SLC22A23: variants seen among roughly 807,000 people sequenced by gnomAD.
SLC22A23 encodes solute carrier family 22 member 23.
SLC22A23 carries 26 observed loss-of-function variants against 61.0 expected under a neutral mutation model. The observed-to-expected ratio is 0.43, with a 90% CI of 0.31 to 0.59. The LOEUF is 0.59. Among genes scored for constraint, SLC22A23 ranks in the 20% least tolerant of loss-of-function variants. SLC22A23 has a pLI of 0.11. For missense variants in SLC22A23, 796 were observed against 934.7 expected (o/e 0.85, Z 1.94); for synonymous variants, 430 against 413.9 (o/e 1.04, Z -0.47).
At chr6:3,369,474 T>C (rs779457507) in intron 3 of SLC22A23, among the ~76,000 whole-genome samples, 4 of 152,204 alleles carry the variant, frequency 2.6e-5, no homozygotes, top group Non-Finnish European at 1.5e-5. Flanking sequence ...GTGGATCACC[T>C]GAACTGAAGA....
At chr6:3,316,576 A>G (rs891717967) in intron 4 of SLC22A23, among the ~76,000 whole-genome samples, 24 of 152,342 alleles carry the variant, frequency 1.6e-4, no homozygotes, top group African/African-American at 5.3e-4. Flanking sequence ...TTGGGCTGAG[A>G]GCCCTCACTG....
rs1020678358 is a variant in SLC22A23, at chr6:3,456,646, C to A, written c.-87G>T. On this transcript the variant is annotated 5_prime_UTR_variant, in exon 1 of 10. Transcript: ENST00000406686. This position sits in a 1 kb window ranked among gnomAD's most constrained non-coding sequence, Gnocchi z 7.1. ...CGGGCACAGCGCGCCGGGCCAGGCG[C>A]CTGCAGCCGCTGCCGCCGAGGAGGG... The A allele has an allele frequency of 2.3e-6, 2 of 871,796 alleles. No individual in the cohort carries two copies. Among genetic ancestry groups the A allele is most frequent in the African/African-American group, 3.7e-5 (2 of 54,532 alleles). The allele number at this position is 871,796 out of a possible 1,614,324, so 54.0% of individuals were successfully genotyped here.
intron 3 of SLC22A23, among the ~76,000 whole-genome samples, chr6:3,399,189 G>T (rs1768214845): frequency 6.6e-6 from 1 of 152,170 alleles, no homozygotes; most frequent in Admixed American, 6.5e-5. Context: ...GACTTGGGAA[G>T]TTGTTCACCA....
chr6:3,291,980 A>C (rs143306714), intron 5 of SLC22A23: 1 of 152,322 alleles, frequency 6.6e-6, no homozygotes, highest in East Asian at 1.9e-4. Flanking sequence ...CCTAGAACCC[A>C]GTCTAAAAAA....
rs974764006 is a variant in SLC22A23 at position 3,342,656 on chromosome 6, A to T, written c.914-18654T>A. Among the ~76,000 whole-genome samples, 1 of 152,182 alleles carries T rather than the reference A, an allele frequency of 6.6e-6. No individual in the cohort carries two copies. Among genetic ancestry groups the T allele is most frequent in the Non-Finnish European group, 1.5e-5 (1 of 68,042 alleles). On this transcript the variant is annotated intron_variant, in intron 3 of 9. Transcript: ENST00000406686. This position sits in a 1 kb window ranked among gnomAD's most constrained non-coding sequence, Gnocchi z 4.0. Reference sequence around the variant, plus strand: ...CAAACCTTGAGGAGCTTTTGCCGTCAAATGTCAGCAAAATTGCTGGGATTT... The same window carrying T: ...CAAACCTTGAGGAGCTTTTGCCGTCTAATGTCAGCAAAATTGCTGGGATTT...
intron 3 of SLC22A23, among the ~76,000 whole-genome samples, chr6:3,395,411 T>C (rs1016392084): frequency 7.2e-5 from 11 of 152,312 alleles, no homozygotes; most frequent in African/African-American, 2.6e-4. Flanking sequence ...ACTGTGCCCA[T>C]CCATCTTGTA....
chr6:3,348,997 G>A (rs191961010), intron 3 of SLC22A23, among the ~76,000 whole-genome samples: 4 of 152,322 alleles, frequency 2.6e-5, no homozygotes, highest in Non-Finnish European at 5.9e-5. Context: ...CTTCAGAAGA[G>A]TAAACAGTGT....
At chr6:3,359,957 G>T (rs1765334868) in intron 3 of SLC22A23, among the ~76,000 whole-genome samples, 1 of 152,042 alleles carries the variant, frequency 6.6e-6, no homozygotes, top group South Asian at 2.1e-4. Context: ...GTCCTTAGAG[G>T]TCCTTGTTCT....
intron 4 of SLC22A23, among the ~76,000 whole-genome samples, chr6:3,319,103 G>A (rs1054977227): frequency 2.6e-5 from 4 of 152,106 alleles, no homozygotes; most frequent in Admixed American, 2.0e-4. Context: ...AGCACAATCC[G>A]GGACACAGGA....
chr6:3,283,513 G>T (rs1265297654), intron 9 of SLC22A23: 1 of 346,192 alleles, frequency 2.9e-6, no homozygotes, highest in Non-Finnish European at 5.7e-6. Context: ...TAGCAGAGTT[G>T]GCAGCACAGG....
chr6:3,348,846 C>A (rs1764597758), intron 3 of SLC22A23, among the ~76,000 whole-genome samples: 1 of 152,046 alleles, frequency 6.6e-6, no homozygotes, highest in Non-Finnish European at 1.5e-5. Flanking sequence ...GGACCGGGTC[C>A]CCATGACCCA....
chr6:3,315,026 C>T (rs1028665088), intron 4 of SLC22A23, among the ~76,000 whole-genome samples: 3 of 152,224 alleles, frequency 2.0e-5, no homozygotes, highest in African/African-American at 7.2e-5. Context: ...GATCTTTCCT[C>T]TAATTCACCA....
At chr6:3,323,259 T>C (rs1017389179) in intron 4 of SLC22A23, 7 of 456,380 alleles carry the variant, frequency 1.5e-5, no homozygotes, top group African/African-American at 1.0e-4. Context: ...CTTTATACCA[T>C]ACCAACCTGC....
chr6:3,421,366 C>A (rs1770122570), intron 1 of SLC22A23, among the ~76,000 whole-genome samples: 1 of 152,120 alleles, frequency 6.6e-6, no homozygotes, highest in South Asian at 2.1e-4. Context: ...GGTCTCTATG[C>A]AATGATTTTC....
At chr6:3,283,405 C>G (rs1759661265) in intron 9 of SLC22A23, 1 of 248,224 alleles carries the variant, frequency 4.0e-6, no homozygotes, top group Admixed American at 5.0e-5. Flanking sequence ...GTACTCCAGG[C>G]TGGGCAATAA....
intron 3 of SLC22A23, among the ~76,000 whole-genome samples, chr6:3,344,611 A>G (rs1055685381): frequency 2.0e-5 from 3 of 152,254 alleles, no homozygotes; most frequent in Non-Finnish European, 4.4e-5. Flanking sequence ...ATTGAAGGTT[A>G]AAATGAAACT....
chr6:3,307,732 G>A (rs1313759421), intron 4 of SLC22A23, among the ~76,000 whole-genome samples: 2 of 152,274 alleles, frequency 1.3e-5, no homozygotes, highest in African/African-American at 2.4e-5. Flanking sequence ...GTGACTGTCG[G>A]TGAGTTACAG....
chr6:3,407,421 G>A (rs1768914629), intron 3 of SLC22A23, among the ~76,000 whole-genome samples: 1 of 152,206 alleles, frequency 6.6e-6, no homozygotes, highest in African/African-American at 2.4e-5. Context: ...ACTGCCATGT[G>A]TGCAGAGACA....
chr6:3,270,081 A>G lies in SLC22A23; in HGVS notation c.*2974T>C, dbSNP rs1758380917. On this transcript the variant is annotated 3_prime_UTR_variant, in exon 10 of 10. Coordinates refer to ENST00000406686, the MANE Select transcript of SLC22A23 (RefSeq NM_015482.2). ...TTGACTTCAGAAAAAGAACAAAGTG[A>G]AGAAATGTTCAGCTCCATCTCAGGT... 6.6e-6 allele frequency: 1 copy of G among 152,448 alleles called. No individual in the cohort carries two copies. Among genetic ancestry groups the G allele is most frequent in the South Asian group, 2.1e-4 (1 of 4,832 alleles). 9.4% of individuals were successfully genotyped at this position (152,448 alleles called of 1,614,324 possible). A position where few individuals can be genotyped will look rare whatever the true frequency, so the allele number is the denominator to read the frequency against.
Sources: gnomAD v4.1 joint callset for allele counts (sites outside exome capture counted in the v4.1 genomes callset) on GRCh38, gnomAD v4.1.1 for gene constraint, Gnocchi (gnomAD v3.1) non-coding constraint, MANE v1.5 for transcripts, NCBI Gene and HGNC (gene_info 2026-07-23, HGNC 2026-07-21) for gene names.